Variants in PBX1 observed in about 807,000 individuals in gnomAD.
The protein encoded by PBX1 is pre-B-cell leukemia transcription factor 1.
PBX1 carries 6 observed loss-of-function variants against 53.4 expected under a neutral mutation model. The ratio of observed to expected loss-of-function variants is 0.11; its 90% CI spans 0.06 to 0.22. The LOEUF (loss-of-function observed/expected upper bound fraction) is 0.22, where lower values mean the gene tolerates loss of function less well. Ranked by LOEUF, PBX1 falls within the 10% of genes least tolerant of loss-of-function variation. The pLI is 1.00. For missense variants in PBX1, 251 were observed against 551.4 expected, an observed-to-expected ratio of 0.46 and a Z score of 5.46; for synonymous variants, 204 against 212.3, an observed-to-expected ratio of 0.96 and a Z score of 0.34.
chr1:164,741,920 A>G (rs1478456783), intron 2 of PBX1, among the ~76,000 whole-genome samples: 1 of 151,116 alleles, frequency 6.6e-6, no homozygotes, highest in Non-Finnish European at 1.5e-5. Context: ...TTTTTAAGGT[A>G]GATTTTTTTT....
At chr1:164,864,405 C>T (rs1475431692) in intron 2 of PBX1, among the ~76,000 whole-genome samples, 1 of 152,200 alleles carries the variant, frequency 6.6e-6, no homozygotes, top group Non-Finnish European at 1.5e-5. Flanking sequence ...GAGCCCCAGC[C>T]TCTGTTGCCC....
chr1:164,843,287 GCTT>G (rs941199211), intron 8 of PBX1, among the ~76,000 whole-genome samples: 2 of 152,264 alleles, frequency 1.3e-5, no homozygotes, highest in African/African-American at 4.8e-5. Flanking sequence ...AGCATGACAT[GCTT>G]CTTCTAAAAA....
At chr1:164,854,971 C>T (rs556811845), downstream of PBX1, among the ~76,000 whole-genome samples, 16 of 117,492 alleles carry the variant, frequency 1.4e-4, no homozygotes, top group African/African-American at 3.6e-4. Flanking sequence ...TTTTTTGAGA[C>T]GGGGTCTTGC....
At chr1:164,565,759 T>C (rs1357869469) in intron 2 of PBX1, among the ~76,000 whole-genome samples, 1 of 151,962 alleles carries the variant, frequency 6.6e-6, no homozygotes, top group Non-Finnish European at 1.5e-5. Context: ...CTTTTTTTTT[T>C]TTTTCCCCCT....
intron 2 of PBX1, among the ~76,000 whole-genome samples, chr1:164,647,983 T>G (rs932305180): frequency 6.6e-6 from 1 of 151,908 alleles, no homozygotes. Context: ...CCCGGCTAAT[T>G]TTTTTGTATT....
At chr1:164,737,022 T>C (rs1294298886) in intron 2 of PBX1, among the ~76,000 whole-genome samples, 1 of 152,176 alleles carries the variant, frequency 6.6e-6, no homozygotes, top group African/African-American at 2.4e-5. Flanking sequence ...TCAGTGCCGT[T>C]GACAGAGACC....
intron 2 of PBX1, among the ~76,000 whole-genome samples, chr1:164,769,521 A>G (rs1437884770): frequency 6.6e-6 from 1 of 152,184 alleles, no homozygotes; most frequent in Non-Finnish European, 1.5e-5. Context: ...GGCCCGGTAG[A>G]ACCAGTCCTC....
At chr1:164,743,568 A>G (rs1414461614) in intron 2 of PBX1, among the ~76,000 whole-genome samples, 1 of 152,184 alleles carries the variant, frequency 6.6e-6, no homozygotes. Context: ...AATTGATGCT[A>G]AGGGAATCCA....
chr1:164,691,553 C>CA (rs1237395686), intron 2 of PBX1, among the ~76,000 whole-genome samples: 2 of 152,206 alleles, frequency 1.3e-5, no homozygotes, highest in African/African-American at 4.8e-5. Flanking sequence ...CATTCTCTTT[C>CA]AGTCCCATCT....
intron 2 of PBX1, among the ~76,000 whole-genome samples, chr1:164,710,729 A>G (rs1663711067): frequency 6.6e-6 from 1 of 152,216 alleles, no homozygotes; most frequent in Non-Finnish European, 1.5e-5. Flanking sequence ...TTTCTTTGGT[A>G]AAACGGAGAA....
intron 1 of PBX1, among the ~76,000 whole-genome samples, chr1:164,561,914 C>T (rs903547735): frequency 1.3e-5 from 2 of 151,574 alleles, no homozygotes; most frequent in African/African-American, 4.8e-5. Flanking sequence ...TTAAAAGACC[C>T]AGGAAAGGTC....
At chr1:164,737,253 G>A (rs1201790641) in intron 2 of PBX1, among the ~76,000 whole-genome samples, 3 of 152,138 alleles carry the variant, frequency 2.0e-5, no homozygotes, top group African/African-American at 7.2e-5. Flanking sequence ...CACACATCAC[G>A]TTAGTAGTGT....
intron 2 of PBX1, among the ~76,000 whole-genome samples, chr1:164,676,862 G>A (rs1661460059): frequency 6.6e-6 from 1 of 152,162 alleles, no homozygotes; most frequent in African/African-American, 2.4e-5. Flanking sequence ...CTACCTAAAA[G>A]GAATGACTGT....
At chr1:164,662,836 AT>A (rs1175038285) in intron 2 of PBX1, among the ~76,000 whole-genome samples, 1 of 24,758 alleles carries the variant, frequency 4.0e-5, no homozygotes, top group Non-Finnish European at 1.6e-4. Context: ...GTGAACATTT[AT>A]TTTTTTTCTT....
chr1:164,784,582 G>A (rs890531686), intron 2 of PBX1, among the ~76,000 whole-genome samples: 1 of 152,194 alleles, frequency 6.6e-6, no homozygotes, highest in South Asian at 2.1e-4. Context: ...ACCTAAAACT[G>A]TCTCAAGAGT....
intron 2 of PBX1, among the ~76,000 whole-genome samples, chr1:164,637,067 C>T (rs1658828070): frequency 6.6e-6 from 1 of 152,068 alleles, no homozygotes; most frequent in Non-Finnish European, 1.5e-5. Flanking sequence ...AAACTGACCT[C>T]GTTAATTTTA....
chr1:164,685,658 C>T (rs190674233), intron 2 of PBX1, among the ~76,000 whole-genome samples: 307 of 152,350 alleles, frequency 2.0e-3, no homozygotes, highest in African/African-American at 6.8e-3. Flanking sequence ...GACTTTTATA[C>T]ACATTTTTAC....
At chr1:164,689,642 T>G (rs1662344263) in intron 2 of PBX1, among the ~76,000 whole-genome samples, 3 of 152,212 alleles carry the variant, frequency 2.0e-5, no homozygotes, top group Admixed American at 6.5e-5. Flanking sequence ...TGGGGCACAT[T>G]TAACGTTAAA....
At chr1:164,644,368 T>C (rs1370186434) in intron 2 of PBX1, among the ~76,000 whole-genome samples, 1 of 152,188 alleles carries the variant, frequency 6.6e-6, no homozygotes, top group African/African-American at 2.4e-5. Flanking sequence ...AATTTTATTA[T>C]TATGTATTAA....
Sources: gnomAD v4.1 joint callset for allele counts (sites outside exome capture counted in the v4.1 genomes callset) on GRCh38, gnomAD v4.1.1 for gene constraint, MANE v1.5 for transcripts, NCBI Gene and HGNC (gene_info 2026-07-23, HGNC 2026-07-21) for gene names.